The following SMYD4 variants were observed in gnomAD, a reference collection of about 807,000 sequenced individuals.
SMYD4 encodes protein-lysine N-methyltransferase SMYD4.
A neutral mutation model predicts 72.8 loss-of-function variants in SMYD4; 68 were observed. The ratio of observed to expected loss-of-function variants is 0.93; its 90% confidence interval spans 0.77 to 1.14. SMYD4 has a LOEUF of 1.14. Ranked by LOEUF, SMYD4 falls within the 50% of genes most tolerant of loss-of-function variation. The pLI is 0.00. For missense variants in SMYD4, 984 were observed against 1,003.7 expected (o/e 0.98, Z 0.27); for synonymous variants, 407 against 388.6 (o/e 1.05, Z -0.56).
chr17:1,815,127 G>A (rs1487471058), intron 2 of SMYD4, among the ~76,000 whole-genome samples: 1 of 151,466 alleles, frequency 6.6e-6, no homozygotes, highest in African/African-American at 2.4e-5. Context: ...GCAGTGGTGC[G>A]ATCTCGGCTC....
rs1222674598 is a variant in SMYD4, at chr17:1,783,060, TGAA to T, written c.2233_2235del (p.Phe745del). 1.2e-5 allele frequency: 20 copies of T among 1,614,066 alleles called. No individual in the cohort carries two copies. The highest frequency in any genetic ancestry group is 1.5e-5 in the Non-Finnish European group (18 of 1,180,046). ...CCGTTGAAAAAGATCTGGGCCAATT[TGAA>T]GAGCTCATGGCCCATTTCAACACTG... On this transcript the variant is annotated inframe_deletion, in exon 10 of 11. Transcript: ENST00000305513.
intron 2 of SMYD4, among the ~76,000 whole-genome samples, chr17:1,819,569 C>T (rs1910792067): frequency 1.3e-5 from 2 of 152,110 alleles, no homozygotes; most frequent in South Asian, 4.1e-4. Flanking sequence ...ATGTGAAGAG[C>T]CTGTTTCCCA....
chr17:1,810,484 C>T lies in SMYD4; in HGVS notation c.279+1487G>A, dbSNP rs139996394. Reference sequence around the variant, plus strand: ...CCCGGGAGGCAAATGTTGCAGTGATCACAGCTCACTGAAGCCTGGAACTCC... The same window carrying T: ...CCCGGGAGGCAAATGTTGCAGTGATTACAGCTCACTGAAGCCTGGAACTCC... On this transcript the variant is annotated intron_variant, in intron 3 of 10. Transcript: ENST00000305513. Among the ~76,000 whole-genome samples, 21 of 152,016 alleles carry T rather than the reference C, an allele frequency of 1.4e-4. No individual in the cohort carries two copies. In the East Asian group the frequency reaches 4.1e-3, roughly 30 times the overall value.
chr17:1,794,104 TA>T (rs1416068438), intron 5 of SMYD4, among the ~76,000 whole-genome samples: 103 of 22,194 alleles, frequency 4.6e-3, no homozygotes, highest in South Asian at 6.7e-3. Context: ...TATATATATA[TA>T]TTTTTTTTTT....
chr17:1,827,051 G>A (rs1048036691), intron 2 of SMYD4, among the ~76,000 whole-genome samples: 2 of 152,112 alleles, frequency 1.3e-5, no homozygotes, highest in African/African-American at 2.4e-5. Context: ...TATTTGGGAC[G>A]CTGAGGCATG....
At chr17:1,784,810 T>C (rs538615117) in intron 7 of SMYD4, among the ~76,000 whole-genome samples, 4 of 151,910 alleles carry the variant, frequency 2.6e-5, no homozygotes, top group Admixed American at 1.3e-4. Context: ...TCGCTCGGTC[T>C]CCAGGCTGGA....
chr17:1,828,684 G>GC (rs1911341413), intron 1 of SMYD4, among the ~76,000 whole-genome samples: 1 of 148,322 alleles, frequency 6.7e-6, no homozygotes, highest in Non-Finnish European at 1.5e-5. Flanking sequence ...TGCACCCTCC[G>GC]CCTCCCAGGT....
intron 1 of SMYD4, among the ~76,000 whole-genome samples, chr17:1,828,816 C>T (rs970471006): frequency 6.6e-6 from 1 of 152,010 alleles, no homozygotes; most frequent in Non-Finnish European, 1.5e-5. Context: ...AGGCTGGTCT[C>T]GAACTCCTGA....
intron 5 of SMYD4, among the ~76,000 whole-genome samples, chr17:1,790,651 G>A (rs112558429): frequency 0.034 from 5,141 of 151,922 alleles, 148 homozygotes; most frequent in African/African-American, 0.075. Context: ...TGAGTAGCTG[G>A]GATTACAGGC....
chr17:1,818,638 T>C (rs1662217312), intron 2 of SMYD4, among the ~76,000 whole-genome samples: 1 of 152,106 alleles, frequency 6.6e-6, no homozygotes, highest in African/African-American at 2.4e-5. Flanking sequence ...TCTTTTTAGA[T>C]AGTGGTATAA....
Position 1,785,201 on chromosome 17 carries a change from TC to T in SMYD4, c.1885-741del, listed in dbSNP as rs1374812622. On this transcript the variant is annotated intron_variant, in intron 7 of 10. Transcript: ENST00000305513. ...ACTTTGGGAGGGCGAGGCGGGTGGA[TC>T]CATGAGGTCAGGAGATCGAGACCAT... is the stretch of plus-strand genomic sequence containing the variant. Among the ~76,000 whole-genome samples, 305 of 145,360 alleles carry T rather than the reference TC, an allele frequency of 2.1e-3. 1 individual carries two copies. Among genetic ancestry groups the T allele is most frequent in the South Asian group, 8.8e-3 (40 of 4,566 alleles).
intron 7 of SMYD4, among the ~76,000 whole-genome samples, chr17:1,785,905 G>A (rs763633787): frequency 2.0e-5 from 3 of 152,166 alleles, no homozygotes; most frequent in Non-Finnish European, 4.4e-5. Context: ...AGAAGAATAC[G>A]GCACTTGTGG....
chr17:1,816,657 C>T (rs9909040), intron 2 of SMYD4, among the ~76,000 whole-genome samples: 28,311 of 151,154 alleles, frequency 0.19, 2,711 homozygotes, highest in Middle Eastern at 0.21. Flanking sequence ...GATGGAGTCT[C>T]CCTTTGTCGC....
Position 1,809,751 on chromosome 17 carries a change from G to C in SMYD4, c.279+2220C>G, listed in dbSNP as rs1272483449. Among the ~76,000 whole-genome samples the C allele has an allele frequency of 8.7e-4, 118 of 135,474 alleles. No homozygotes were observed. The Middle Eastern group carries it at 0.016, about 19-fold the overall frequency. The allele number at this position is 135,474 out of a possible 152,430, so 88.9% of individuals were successfully genotyped here. Reference sequence around the variant, plus strand: ...GTGGCGCGATCTCGGCTCACTGCAAGCTCCGCCTCCCGGGTTCACGCCATT... The same window carrying C: ...GTGGCGCGATCTCGGCTCACTGCAACCTCCGCCTCCCGGGTTCACGCCATT... On this transcript the variant is annotated intron_variant, in intron 3 of 10. Transcript: ENST00000305513.
intron 4 of SMYD4, among the ~76,000 whole-genome samples, chr17:1,803,079 T>G (rs1231787226): frequency 1.3e-5 from 2 of 152,038 alleles, no homozygotes; most frequent in Non-Finnish European, 2.9e-5. Flanking sequence ...GAGGCGGAGG[T>G]TGCAGTGAGC....
intron 2 of SMYD4, among the ~76,000 whole-genome samples, chr17:1,824,714 G>C (rs931333025): frequency 1.3e-5 from 2 of 152,120 alleles, no homozygotes; most frequent in African/African-American, 4.8e-5. Flanking sequence ...CCGTCTCCCA[G>C]GTTCAAGCAA....
intron 2 of SMYD4, among the ~76,000 whole-genome samples, chr17:1,824,300 G>C (rs1461952332): frequency 6.6e-6 from 1 of 152,110 alleles, no homozygotes; most frequent in African/African-American, 2.4e-5. Context: ...CTGAGATTGC[G>C]CCACTGCACT....
In SMYD4 at chr17:1,829,850, C is replaced by T. The variant is rs1212827537; in HGVS notation, c.-137G>A. ...TGGCGCGCCCCTTGGCGCCCCGCTC[C>T]GCCCCGCACCGCGTCCGGCGTCCCG... On this transcript the variant is annotated 5_prime_UTR_variant, in exon 1 of 11. Transcript: ENST00000305513. The T allele has an allele frequency of 6.3e-6, 2 of 319,518 alleles. No individual in the cohort carries two copies. The highest frequency in any genetic ancestry group is 1.1e-5 in the Non-Finnish European group (2 of 180,434). 19.8% of individuals were successfully genotyped at this position (319,518 alleles called of 1,614,324 possible). A position where few individuals can be genotyped will look rare whatever the true frequency, so the allele number is the denominator to read the frequency against.
At chr17:1,784,817 T>G (rs1908565996) in intron 7 of SMYD4, among the ~76,000 whole-genome samples, 2 of 152,034 alleles carry the variant, frequency 1.3e-5, no homozygotes, top group South Asian at 4.2e-4. Context: ...GTCTCCAGGC[T>G]GGAGTGCAGT....
Sources: gnomAD v4.1 joint callset for allele counts (sites outside exome capture counted in the v4.1 genomes callset) on GRCh38, gnomAD v4.1.1 for gene constraint, MANE v1.5 for transcripts, NCBI Gene and HGNC (gene_info 2026-07-23, HGNC 2026-07-21) for gene names.